The following CNTNAP2 variants were observed in gnomAD, a reference collection of about 807,000 sequenced individuals.
CNTNAP2 encodes contactin-associated protein-like 2.
Under a neutral mutation model 155.2 loss-of-function variants are expected in CNTNAP2, and 98 were observed. That is an observed-to-expected ratio of 0.63 (90% confidence interval 0.54 to 0.75). CNTNAP2 has a LOEUF of 0.75. Ranked by LOEUF, CNTNAP2 falls within the 30% of genes least tolerant of loss-of-function variation. The pLI is 0.00. For missense variants in CNTNAP2, 1,727 were observed against 1,688.1 expected (o/e 1.02, Z -0.40); for synonymous variants, 651 against 631.2 (o/e 1.03, Z -0.47).
At chr7:147,259,757 G>A (rs1162282461) in intron 8 of CNTNAP2, among the ~76,000 whole-genome samples, 1 of 152,156 alleles carries the variant, frequency 6.6e-6, no homozygotes, top group Non-Finnish European at 1.5e-5. Context: ...GACTTCCTGA[G>A]GTTTATGACA....
At chr7:148,042,808 A>T (rs1802703873) in intron 15 of CNTNAP2, among the ~76,000 whole-genome samples, 1 of 152,136 alleles carries the variant, frequency 6.6e-6, no homozygotes, top group African/African-American at 2.4e-5. Context: ...ATTAAAAGCT[A>T]TGGCCACTGT....
intron 9 of CNTNAP2, among the ~76,000 whole-genome samples, chr7:147,369,467 G>A (rs767452742): frequency 6.6e-5 from 10 of 152,210 alleles, no homozygotes; most frequent in East Asian, 1.9e-4. Context: ...CAGCATGTAC[G>A]ATGAATTCTA....
Position 147,627,691 on chromosome 7 carries a change from C to CAA in CNTNAP2, c.1898-11393_1898-11392dup, listed in dbSNP as rs138424007. 7.0e-3 allele frequency among the ~76,000 whole-genome samples: 491 copies of CAA among 70,438 alleles called. 6 individuals are homozygous for CAA. The highest frequency in any genetic ancestry group is 0.011 in the African/African-American group (204 of 18,888). The allele number at this position is 70,438 out of a possible 152,430, so 46.2% of individuals were successfully genotyped here. A position where few individuals can be genotyped will look rare whatever the true frequency, so the allele number is the denominator to read the frequency against. ...TGGGGGACAGAGCGAGACTCTGTCT[C>CAA]AAAAAAAAAAAAAAAAAAAAAAAGA... is the stretch of plus-strand genomic sequence containing the variant. On this transcript the variant is annotated intron_variant, in intron 12 of 23. Transcript: ENST00000361727.
At chr7:147,291,314 TC>T (rs1488493943) in intron 8 of CNTNAP2, among the ~76,000 whole-genome samples, 1 of 152,078 alleles carries the variant, frequency 6.6e-6, no homozygotes, top group Non-Finnish European at 1.5e-5. Context: ...ATGCTCTCCC[TC>T]CCCTTTCCCC....
intron 2 of CNTNAP2, among the ~76,000 whole-genome samples, chr7:146,824,552 G>A (rs1057018993): frequency 3.9e-5 from 6 of 152,050 alleles, no homozygotes; most frequent in Non-Finnish European, 4.4e-5. Context: ...AGTATCTGTT[G>A]TTTCCTGACT....
rs1028679201 is a variant in CNTNAP2 at position 147,321,213 on chromosome 7, C to T, written c.1498+20923C>T. 5.3e-5 allele frequency among the ~76,000 whole-genome samples: 8 copies of T among 152,242 alleles called. No individual in the cohort carries two copies. The South Asian group carries it at 1.5e-3, about 28-fold the overall frequency. ...CTGCCTTTCAGCTAATGTCAAACTA[C>T]CTTGAGGTCCTGAAAAAGAATAAAC... On this transcript the variant is annotated intron_variant, in intron 9 of 23. Transcript: ENST00000361727.
chr7:147,562,165 A>G lies in CNTNAP2; in HGVS notation c.1805A>G (p.Tyr602Cys), dbSNP rs1342958793. 6.2e-7 allele frequency: 1 copy of G among 1,614,044 alleles called. No homozygotes were observed. Among genetic ancestry groups the G allele is most frequent in the Admixed American group, 1.7e-5 (1 of 60,014 alleles). Residue 602 changes from tyrosine to cysteine, a missense_variant, in exon 12 of 24, where the codon TAC becomes TGC. Tyr to Cys is a radical substitution (Grantham distance 194). Transcript: ENST00000361727. ...ATCTACGAGCCTTCCTGTGAAGCCT[A>G]CAAACACCTAGGACAGACATCAAAT... is the stretch of plus-strand genomic sequence containing the variant. ...NSIYEPSCEA[Y>C]KHLGQTSNYY...
chr7:146,505,074 T>C (rs1797362733), intron 1 of CNTNAP2, among the ~76,000 whole-genome samples: 1 of 152,204 alleles, frequency 6.6e-6, no homozygotes, highest in Non-Finnish European at 1.5e-5. Context: ...GAAGCAAGCA[T>C]GCCATGGGTT....
At chr7:147,182,958 A>T (rs1802494185) in intron 8 of CNTNAP2, among the ~76,000 whole-genome samples, 1 of 152,190 alleles carries the variant, frequency 6.6e-6, no homozygotes, top group Admixed American at 6.5e-5. Context: ...TTATAAAAAT[A>T]AATGTGATAA....
intron 4 of CNTNAP2, among the ~76,000 whole-genome samples, chr7:147,050,812 A>C (rs1456007532): frequency 1.3e-5 from 2 of 152,188 alleles, no homozygotes; most frequent in East Asian, 1.9e-4. Context: ...GTCTGAAGTC[A>C]AGGTGTTAGC....
At chr7:147,639,486 T>A (rs1172237232) in intron 13 of CNTNAP2, among the ~76,000 whole-genome samples, 180 bp downstream of exon 13, 1 of 151,580 alleles carries the variant, frequency 6.6e-6, no homozygotes, top group East Asian at 1.9e-4. Context: ...TAAGAAAGAA[T>A]GATTTTGAGG....
At chr7:147,168,294 G>C (rs1041402745) in intron 8 of CNTNAP2, among the ~76,000 whole-genome samples, 1 of 151,714 alleles carries the variant, frequency 6.6e-6, no homozygotes, top group East Asian at 1.9e-4. Flanking sequence ...CCAGTGATGG[G>C]TCTTGTCAAT....
At chr7:147,025,865 T>G (rs569797207) in intron 3 of CNTNAP2, among the ~76,000 whole-genome samples, 17 of 93,614 alleles carry the variant, frequency 1.8e-4, no homozygotes, top group Middle Eastern at 6.5e-3. Flanking sequence ...TTTTTTTTTT[T>G]AAATTTTTAT....
intron 1 of CNTNAP2, among the ~76,000 whole-genome samples, chr7:146,483,623 T>C (rs1797012459): frequency 6.6e-6 from 1 of 151,304 alleles, no homozygotes; most frequent in South Asian, 2.1e-4. Context: ...TAAAAAAAGT[T>C]TTTAAATATA....
intron 6 of CNTNAP2, among the ~76,000 whole-genome samples, chr7:147,123,848 C>T (rs1801170117): frequency 6.6e-6 from 1 of 152,056 alleles, no homozygotes; most frequent in Non-Finnish European, 1.5e-5. Context: ...TAAGACCAGC[C>T]TGGCCAATGT....
intron 12 of CNTNAP2, among the ~76,000 whole-genome samples, chr7:147,634,319 G>A (rs1795141239): frequency 6.6e-6 from 1 of 152,132 alleles, no homozygotes; most frequent in African/African-American, 2.4e-5. Flanking sequence ...GGATGGAGTT[G>A]GAGACTATTA....
chr7:147,031,978 A>C (rs1464999762), intron 3 of CNTNAP2, among the ~76,000 whole-genome samples: 1 of 152,184 alleles, frequency 6.6e-6, no homozygotes, highest in Admixed American at 6.5e-5. Context: ...CACGGTGAGG[A>C]GTGGCATTAA....
intron 21 of CNTNAP2, among the ~76,000 whole-genome samples, chr7:148,348,842 T>C (rs1025188471): frequency 6.6e-6 from 1 of 152,234 alleles, no homozygotes; most frequent in African/African-American, 2.4e-5. Flanking sequence ...TGCGAGACTT[T>C]TCATTTCTTC....
At chr7:147,436,371 TAAA>T (rs1797547633) in intron 10 of CNTNAP2, among the ~76,000 whole-genome samples, 1 of 152,198 alleles carries the variant, frequency 6.6e-6, no homozygotes, top group Non-Finnish European at 1.5e-5. Flanking sequence ...AAATTTCAGT[TAAA>T]AATTTTTAAT....
Sources: gnomAD v4.1 joint callset for allele counts (sites outside exome capture counted in the v4.1 genomes callset) on GRCh38, gnomAD v4.1.1 for gene constraint, MANE v1.5 for transcripts, NCBI Gene and HGNC (gene_info 2026-07-23, HGNC 2026-07-21) for gene names.